Variants in PPP1R1C observed in about 807,000 individuals in gnomAD.
The protein encoded by PPP1R1C is protein phosphatase 1 regulatory inhibitor subunit 1C.
In PPP1R1C, 15 loss-of-function variants were observed where a neutral mutation model predicts 17.4. The ratio of observed to expected loss-of-function variants is 0.86; its 90% CI spans 0.58 to 1.33. The LOEUF (loss-of-function observed/expected upper bound fraction) is 1.33, where lower values mean the gene tolerates loss of function less well. PPP1R1C is among the 40% of genes most tolerant of loss of function. The pLI, the probability that PPP1R1C is intolerant of heterozygous loss-of-function variation, is 0.00. For missense variants in PPP1R1C, 143 were observed against 130.0 expected (o/e 1.10, Z -0.48); for synonymous variants, 35 against 43.1 (o/e 0.81, Z 0.73).
chr2:181,965,683 C>T (rs1215125310), intron 1 of PPP1R1C, among the ~76,000 whole-genome samples: 1 of 152,138 alleles, frequency 6.6e-6, no homozygotes, highest in Non-Finnish European at 1.5e-5. Flanking sequence ...GTAACCAAAA[C>T]CATGCTGTTT....
intron 2 of PPP1R1C, among the ~76,000 whole-genome samples, chr2:182,021,136 T>A (rs1381459982): frequency 1.3e-5 from 2 of 151,766 alleles, no homozygotes; most frequent in Non-Finnish European, 2.9e-5. Flanking sequence ...TGGGCTGGAG[T>A]GTAAATGAAT....
At chr2:182,114,453 G>A (rs1322623134) in intron 4 of PPP1R1C, among the ~76,000 whole-genome samples, 1 of 152,168 alleles carries the variant, frequency 6.6e-6, no homozygotes, top group East Asian at 1.9e-4. Context: ...TTGGGATGCA[G>A]GAGAGGTGTA....
exon 6 of PPP1R1C, chr2:182,129,777 C>T (rs1263780887): frequency 1.3e-5 from 2 of 152,066 alleles, no homozygotes; most frequent in Non-Finnish European, 2.9e-5. Flanking sequence ...AGCCTATCCT[C>T]CTTAGGAGCC....
chr2:182,081,985 A>AC (rs1688494145), intron 4 of PPP1R1C, among the ~76,000 whole-genome samples: 1 of 152,114 alleles, frequency 6.6e-6, no homozygotes, highest in South Asian at 2.1e-4. Flanking sequence ...CCCTATGCCT[A>AC]TTTTTTTTAA....
chr2:182,087,169 T>G (rs1311400695), intron 4 of PPP1R1C, among the ~76,000 whole-genome samples: 1 of 152,242 alleles, frequency 6.6e-6, no homozygotes, highest in African/African-American at 2.4e-5. Flanking sequence ...ACTACTGCAG[T>G]AACCTCTAAA....
chr2:182,049,427 T>C (rs1687444106), intron 2 of PPP1R1C, among the ~76,000 whole-genome samples: 1 of 152,050 alleles, frequency 6.6e-6, no homozygotes, highest in Non-Finnish European at 1.5e-5. Flanking sequence ...ATTATTTTTT[T>C]CCCACAAAAT....
chr2:182,059,383 G>C (rs761997318), intron 2 of PPP1R1C, among the ~76,000 whole-genome samples: 5 of 151,676 alleles, frequency 3.3e-5, no homozygotes, highest in African/African-American at 4.8e-5. Flanking sequence ...GGTTTGATGA[G>C]AGAGCTAAAC....
chr2:182,101,855 A>C (rs1438872013), intron 4 of PPP1R1C, among the ~76,000 whole-genome samples: 1 of 152,170 alleles, frequency 6.6e-6, no homozygotes, highest in African/African-American at 2.4e-5. Flanking sequence ...TGGGCCAGTA[A>C]CTAGGTGGGG....
At chr2:182,113,551 G>A (rs991264482) in intron 4 of PPP1R1C, among the ~76,000 whole-genome samples, 3 of 152,068 alleles carry the variant, frequency 2.0e-5, no homozygotes, top group Admixed American at 6.6e-5. Context: ...TGCCAACTTC[G>A]CCACTAGGAA....
intron 2 of PPP1R1C, among the ~76,000 whole-genome samples, chr2:181,980,117 T>G (rs1463561689): frequency 6.6e-6 from 1 of 152,324 alleles, no homozygotes; most frequent in East Asian, 1.9e-4. Context: ...GTATTTGTGT[T>G]TGTATCACTG....
intron 2 of PPP1R1C, among the ~76,000 whole-genome samples, chr2:181,980,762 A>C (rs1441281892): frequency 2.0e-5 from 3 of 152,174 alleles, no homozygotes; most frequent in Non-Finnish European, 2.9e-5. Flanking sequence ...TAGTGTCTGC[A>C]TGGTTAGAGA....
At chr2:182,068,890 G>A (rs1210889680) in intron 4 of PPP1R1C, among the ~76,000 whole-genome samples, 2 of 152,148 alleles carry the variant, frequency 1.3e-5, no homozygotes, top group African/African-American at 4.8e-5. Flanking sequence ...GTATTGGAAT[G>A]TGACCAGTTC....
upstream of PPP1R1C, among the ~76,000 whole-genome samples, chr2:181,982,948 G>A (rs530368079): frequency 1.8e-4 from 27 of 152,206 alleles, no homozygotes; most frequent in Non-Finnish European, 2.5e-4. Context: ...AAAGAGCAAC[G>A]GAGAGGATTC....
intron 2 of PPP1R1C, among the ~76,000 whole-genome samples, chr2:182,052,204 T>C (rs1055382010): frequency 6.6e-6 from 1 of 152,176 alleles, no homozygotes; most frequent in Non-Finnish European, 1.5e-5. Flanking sequence ...CTCCAGGTAA[T>C]TCAGGAAATT....
At chr2:182,040,426 A>G (rs1220338888) in intron 2 of PPP1R1C, among the ~76,000 whole-genome samples, 1 of 152,184 alleles carries the variant, frequency 6.6e-6, no homozygotes, top group African/African-American at 2.4e-5. Context: ...TTTTCTTCAT[A>G]CATTTATTGG....
At chr2:182,079,867 C>T (rs561455635) in intron 4 of PPP1R1C, among the ~76,000 whole-genome samples, 3 of 152,224 alleles carry the variant, frequency 2.0e-5, no homozygotes, top group African/African-American at 4.8e-5. Flanking sequence ...TCACTCTTCC[C>T]GTGGCCTGCT....
rs541732584 is a variant in PPP1R1C at position 182,061,444 on chromosome 2, A to T, written c.145A>T (p.Ile49Leu). 17 of 1,471,566 alleles carry T rather than the reference A, an allele frequency of 1.2e-5. No homozygotes were observed. In the South Asian group the frequency reaches 2.2e-4, roughly 19 times the overall value. The allele number at this position is 1,471,566 out of a possible 1,614,324, so 91.2% of individuals were successfully genotyped here. A position where few individuals can be genotyped will look rare whatever the true frequency, so the allele number is the denominator to read the frequency against. ...CATTCTACCTACTTCTCTTACAGAA[A>T]TAGATGACAAGAGGGGGCCCAACAC... ...VILNEHNPPE[I>L]DDKRGPNTQG... The change falls in exon 3 of 5, where the codon ATA becomes TTA. Residue 49 changes from isoleucine (I) to leucine (L), a missense_variant and splice_region_variant. Physicochemically the swap from Ile to Leu is conservative, Grantham distance 5. Coordinates refer to ENST00000682840, the MANE Select transcript of PPP1R1C (RefSeq NM_001080545.3).
In PPP1R1C at chr2:181,962,497, TGA is replaced by T; in HGVS notation, n.111+7867_111+7868del. Reference sequence around the variant, plus strand: ...AGCTCATGCTATCCAGGGAGGAGAGTGAGAGGACAGGACTCAGGCTTTGCCGA... The same window carrying T: ...AGCTCATGCTATCCAGGGAGGAGAGTGAGGACAGGACTCAGGCTTTGCCGA... On this transcript the variant is annotated intron_variant and non_coding_transcript_variant, in intron 1 of 5. Transcript: ENST00000464264. This position sits in a 1 kb window ranked among gnomAD's most constrained non-coding sequence, Gnocchi z 6.0. The T allele has an allele frequency of 1.5e-6, 1 of 677,498 alleles. No individual in the cohort carries two copies. Among genetic ancestry groups the T allele is most frequent in the Non-Finnish European group, 2.7e-6 (1 of 363,658 alleles). The allele number at this position is 677,498 out of a possible 1,614,324, so 42.0% of individuals were successfully genotyped here.
At chr2:182,086,848 A>G (rs1235992355) in intron 4 of PPP1R1C, among the ~76,000 whole-genome samples, 1 of 152,020 alleles carries the variant, frequency 6.6e-6, no homozygotes, top group Non-Finnish European at 1.5e-5. Flanking sequence ...TCTGACAGAG[A>G]TCTTAAACTT....
Sources: gnomAD v4.1 joint callset for allele counts (sites outside exome capture counted in the v4.1 genomes callset) on GRCh38, gnomAD v4.1.1 for gene constraint, Gnocchi (gnomAD v3.1) non-coding constraint, MANE v1.5 for transcripts, NCBI Gene and HGNC (gene_info 2026-07-23, HGNC 2026-07-21) for gene names.